The following NBAS variants were observed in gnomAD, a reference collection of about 807,000 sequenced individuals.
NBAS encodes NAG/BC035112 fusion.
Under a neutral mutation model 302.5 loss-of-function variants are expected in NBAS, and 219 were observed. That is an observed-to-expected ratio of 0.72 (90% CI 0.65 to 0.81). The LOEUF (loss-of-function observed/expected upper bound fraction) is 0.81, where lower values mean the gene tolerates loss of function less well. NBAS is among the 30% of genes least tolerant of loss of function. NBAS has a pLI of 0.00. For missense variants in NBAS, 2,932 were observed against 2,841.6 expected (o/e 1.03, Z -0.72); for synonymous variants, 1,118 against 1,021.6 (o/e 1.09, Z -1.80).
At chr2:15,139,361 T>C in the NBAS span, among the ~76,000 whole-genome samples, 1 of 152,234 alleles carries the variant, frequency 6.6e-6, no homozygotes, top group Non-Finnish European at 1.5e-5. Context: ...TTGGCCCTTT[T>C]TGTCTTGTCT....
intron 38 of NBAS, among the ~76,000 whole-genome samples, chr2:15,310,455 T>C (rs1054496065): frequency 2.6e-5 from 4 of 152,236 alleles, no homozygotes; most frequent in Admixed American, 1.3e-4. Context: ...AAGCTATTTA[T>C]TTCAAGGTCT....
At chr2:15,157,221 C>T in the NBAS span, among the ~76,000 whole-genome samples, 5 of 152,176 alleles carry the variant, frequency 3.3e-5, no homozygotes, top group African/African-American at 1.2e-4. Context: ...TCCCCACAGC[C>T]ATCAACCCAG....
At chr2:14,847,132 C>T in the NBAS span, among the ~76,000 whole-genome samples, 3 of 151,948 alleles carry the variant, frequency 2.0e-5, no homozygotes, top group Non-Finnish European at 2.9e-5. Flanking sequence ...ACCTGTAATC[C>T]CAGCACTTTC....
chr2:14,984,553 C>G, the NBAS span, among the ~76,000 whole-genome samples: 1 of 152,144 alleles, frequency 6.6e-6, no homozygotes, highest in Non-Finnish European at 1.5e-5. Context: ...AAGTGAACTA[C>G]TTTAGAGGTA....
chr2:14,962,054 G>A, the NBAS span, among the ~76,000 whole-genome samples: 16 of 152,176 alleles, frequency 1.1e-4, no homozygotes, highest in South Asian at 2.1e-4. Flanking sequence ...GATTACAGGC[G>A]TGAGCCACTG....
At chr2:15,346,554 G>A (rs1200016876) in intron 35 of NBAS, among the ~76,000 whole-genome samples, 3 of 152,140 alleles carry the variant, frequency 2.0e-5, no homozygotes, top group Admixed American at 6.6e-5. Context: ...ACTGTTGGTG[G>A]GAATGTAAAT....
intron 31 of NBAS, among the ~76,000 whole-genome samples, chr2:15,367,178 C>T (rs899843817): frequency 4.6e-5 from 7 of 152,064 alleles, no homozygotes; most frequent in Admixed American, 2.0e-4. Context: ...ATTTATTAAC[C>T]TTCCTCCAAA....
intron 7 of NBAS, among the ~76,000 whole-genome samples, chr2:15,537,493 T>C (rs1663572946): frequency 6.6e-6 from 1 of 152,178 alleles, no homozygotes; most frequent in Non-Finnish European, 1.5e-5. Context: ...AAATGGTATA[T>C]AAGGCTGGAT....
the NBAS span, among the ~76,000 whole-genome samples, chr2:15,030,483 C>A: frequency 6.6e-6 from 1 of 152,212 alleles, no homozygotes; most frequent in Non-Finnish European, 1.5e-5. Flanking sequence ...ACAAGAGTTT[C>A]TTTACCCAAC....
intron 30 of NBAS, among the ~76,000 whole-genome samples, chr2:15,378,782 GA>G (rs573982896): frequency 1.3e-5 from 2 of 152,146 alleles, no homozygotes; most frequent in Non-Finnish European, 2.9e-5. Context: ...TCATAAAGTT[GA>G]AAAATTGGAA....
At chr2:15,548,103 G>A (rs1664203431) in intron 6 of NBAS, among the ~76,000 whole-genome samples, 1 of 152,102 alleles carries the variant, frequency 6.6e-6, no homozygotes, top group Non-Finnish European at 1.5e-5. Flanking sequence ...ACACTTTTGT[G>A]AATTTCTAAA....
chr2:15,556,852 A>C, intron 2 of NBAS, 33 bp from the exon 3 acceptor site: 1 of 1,532,968 alleles, frequency 6.5e-7, no homozygotes, highest in Non-Finnish European at 9.0e-7. Flanking sequence ...AGCCAAATAT[A>C]AATCAGCTGT....
chr2:15,457,449 G>C (rs1679297659), intron 21 of NBAS, among the ~76,000 whole-genome samples: 1 of 152,190 alleles, frequency 6.6e-6, no homozygotes, highest in Non-Finnish European at 1.5e-5. Flanking sequence ...CATTTTGTTA[G>C]TTTTCAGCAT....
the NBAS span, among the ~76,000 whole-genome samples, chr2:14,817,185 T>C: frequency 1.8e-4 from 27 of 152,358 alleles, no homozygotes; most frequent in African/African-American, 6.5e-4. Flanking sequence ...TGTTATTGCA[T>C]GTTGTCAAGA....
chr2:15,319,184 T>C (rs1464947785), intron 38 of NBAS, among the ~76,000 whole-genome samples: 6 of 152,304 alleles, frequency 3.9e-5, no homozygotes, highest in Non-Finnish European at 8.8e-5. Flanking sequence ...GAAATAAAGA[T>C]GTTCTTTGAA....
the NBAS span, among the ~76,000 whole-genome samples, chr2:15,001,459 A>T: frequency 6.6e-6 from 1 of 152,214 alleles, no homozygotes; most frequent in South Asian, 2.1e-4. Flanking sequence ...AGATGATTAC[A>T]ACTCAGTTCT....
the NBAS span, among the ~76,000 whole-genome samples, chr2:15,036,650 C>A: frequency 0.053 from 7,994 of 152,214 alleles, 593 homozygotes; most frequent in African/African-American, 0.16. Context: ...GACATAAGTA[C>A]AGAGAATCAG....
the NBAS span, among the ~76,000 whole-genome samples, chr2:14,780,529 A>G: frequency 6.6e-6 from 1 of 152,244 alleles, no homozygotes; most frequent in Non-Finnish European, 1.5e-5. Context: ...TTTAAAAGTC[A>G]GATGCAAAGA....
chr2:15,256,235 G>A (rs879309099), intron 44 of NBAS, among the ~76,000 whole-genome samples: 14 of 152,034 alleles, frequency 9.2e-5, no homozygotes, highest in East Asian at 3.9e-4. Flanking sequence ...TCTTTCAGCC[G>A]TGTGTTGTAG....
Sources: allele counts gnomAD v4.1 joint callset (sites outside exome capture counted in the v4.1 genomes callset), GRCh38; gene constraint gnomAD v4.1.1; transcripts MANE v1.5; gene names NCBI Gene and HGNC (gene_info 2026-07-23, HGNC 2026-07-21).